The following SHOC1 variants were observed in gnomAD, a reference collection of about 807,000 sequenced individuals.
SHOC1 encodes the protein shortage in chiasmata 1.
In SHOC1, 136 loss-of-function variants were observed where a neutral mutation model predicts 179.2. That is an observed-to-expected ratio of 0.76 (90% CI 0.66 to 0.87). The LOEUF is 0.87. Ranked by LOEUF, SHOC1 falls within the 40% of genes least tolerant of loss-of-function variation. The pLI, the probability that SHOC1 is intolerant of heterozygous loss-of-function variation, is 0.00. For missense variants in SHOC1, 1,538 were observed against 1,700.8 expected (o/e 0.90, Z 1.68); for synonymous variants, 489 against 586.6 (o/e 0.83, Z 2.41).
rs1196500037 is a variant in SHOC1 at position 111,746,185 on chromosome 9, C to G, written c.1079+49G>C. 2.4e-6 allele frequency: 3 copies of G among 1,246,628 alleles called. No homozygotes were observed. The African/African-American group carries it at 4.5e-5, about 19-fold the overall frequency. The allele number at this position is 1,246,628 out of a possible 1,614,324, so 77.2% of individuals were successfully genotyped here. A position where few individuals can be genotyped will look rare whatever the true frequency, so the allele number is the denominator to read the frequency against. ...TTATATGGAGAGATTTAAATAAAGA[C>G]TGCTTGTTCTGAATTGCAACATGGG... is the stretch of plus-strand genomic sequence containing the variant. On this transcript the variant is annotated intron_variant, in intron 10 of 27. Transcript: ENST00000682961.
chr9:111,689,689 T>G (rs1246261679), intron 27 of SHOC1, among the ~76,000 whole-genome samples: 2 of 152,082 alleles, frequency 1.3e-5, no homozygotes, highest in Non-Finnish European at 2.9e-5. Context: ...AATAAAATTA[T>G]TTCATGGAAA....
chr9:111,762,459 C>T (rs1443283193), intron 5 of SHOC1, among the ~76,000 whole-genome samples: 1 of 151,816 alleles, frequency 6.6e-6, no homozygotes, highest in East Asian at 1.9e-4. Flanking sequence ...AAAAGACACG[C>T]TTTTGTGGAA....
At chr9:111,764,302 C>T (rs1367903531) in intron 5 of SHOC1, among the ~76,000 whole-genome samples, 1 of 152,132 alleles carries the variant, frequency 6.6e-6, no homozygotes, top group Non-Finnish European at 1.5e-5. Context: ...TGCTGTTAAT[C>T]TCTTACTGTG....
chr9:111,785,251 C>A (rs756659312), intron 3 of SHOC1, among the ~76,000 whole-genome samples: 1 of 151,574 alleles, frequency 6.6e-6, no homozygotes, highest in Non-Finnish European at 1.5e-5. Flanking sequence ...TAGGAAATAG[C>A]ACTCCCTACT....
intron 15 of SHOC1, among the ~76,000 whole-genome samples, chr9:111,718,545 T>C (rs1020272067): frequency 2.6e-5 from 4 of 152,192 alleles, no homozygotes; most frequent in Non-Finnish European, 4.4e-5. Flanking sequence ...AGTGAGTAAA[T>C]GGTAGAGCTG....
At chr9:111,701,007 C>G (rs1831946832) in intron 23 of SHOC1, among the ~76,000 whole-genome samples, 1 of 152,202 alleles carries the variant, frequency 6.6e-6, no homozygotes, top group African/African-American at 2.4e-5. Flanking sequence ...CTAGTTTCCT[C>G]TGGACTTTGC....
intron 1 of SHOC1, among the ~76,000 whole-genome samples, chr9:111,792,743 G>A (rs1263697198): frequency 6.6e-6 from 1 of 152,220 alleles, no homozygotes; most frequent in Non-Finnish European, 1.5e-5. Flanking sequence ...GTTAGATTCT[G>A]TGGTGTGGAG....
Position 111,738,479 on chromosome 9 carries a change from A to G in SHOC1, c.1218T>C (p.Asp406=). ...QEPHSQYSVT[D]LKKIFSVKEE... is the part of the protein sequence containing the mutation. Reference sequence around the variant, plus strand: ...CTTTAACAGAAAATATCTTTTTCAAATCTGTAACTGAATATTGGCTGTGGG... The same window carrying G: ...CTTTAACAGAAAATATCTTTTTCAAGTCTGTAACTGAATATTGGCTGTGGG... The change falls in exon 12 of 28, where the codon GAT becomes GAC. Residue 406 remains aspartate, a synonymous_variant. Transcript: ENST00000682961. 1 of 1,600,636 alleles carries G rather than the reference A, an allele frequency of 6.2e-7. No homozygotes were observed. Among genetic ancestry groups the G allele is most frequent in the Non-Finnish European group, 8.5e-7 (1 of 1,176,320 alleles).
intron 15 of SHOC1, among the ~76,000 whole-genome samples, chr9:111,719,571 A>G (rs887315514): frequency 6.6e-6 from 1 of 152,208 alleles, no homozygotes; most frequent in African/African-American, 2.4e-5. Context: ...TTTATTTTAT[A>G]TAAGTCTTGT....
chr9:111,772,214 CA>C (rs1447189515), intron 5 of SHOC1, among the ~76,000 whole-genome samples: 1 of 152,142 alleles, frequency 6.6e-6, no homozygotes, highest in Non-Finnish European at 1.5e-5. Context: ...TTCAGCTCAG[CA>C]AACGTATTTC....
At chr9:111,747,452 A>G (rs1227797224) in intron 9 of SHOC1, among the ~76,000 whole-genome samples, 1 of 152,220 alleles carries the variant, frequency 6.6e-6, no homozygotes, top group Non-Finnish European at 1.5e-5. Flanking sequence ...CAAGATTGCT[A>G]ATATTGAGAT....
At chr9:111,734,476 T>C (rs945220642) in intron 12 of SHOC1, among the ~76,000 whole-genome samples, 37 of 152,242 alleles carry the variant, frequency 2.4e-4, no homozygotes, top group African/African-American at 7.5e-4. Flanking sequence ...GGTGTGTATT[T>C]GCTTGATATT....
chr9:111,717,198 T>C (rs1248910527), intron 16 of SHOC1, among the ~76,000 whole-genome samples: 2 of 152,158 alleles, frequency 1.3e-5, no homozygotes, highest in Non-Finnish European at 2.9e-5. Context: ...TAAGAGAAAA[T>C]GTCTGGGTCT....
intron 23 of SHOC1, 75 bp downstream of exon 23, chr9:111,702,030 C>T: frequency 9.4e-7 from 1 of 1,064,714 alleles, no homozygotes; most frequent in Non-Finnish European, 1.3e-6. Context: ...AATTGCATAG[C>T]CATTTCCATT....
chr9:111,776,549 A>G (rs930100116), intron 4 of SHOC1, among the ~76,000 whole-genome samples: 6 of 152,168 alleles, frequency 3.9e-5, no homozygotes, highest in Admixed American at 1.3e-4. Flanking sequence ...TCTGTTCCGT[A>G]ACCTGGGAAG....
chr9:111,697,753 A>G (rs1384809236), intron 24 of SHOC1, among the ~76,000 whole-genome samples: 1 of 152,140 alleles, frequency 6.6e-6, no homozygotes, highest in Admixed American at 6.6e-5. Flanking sequence ...TCTAGATCCT[A>G]GAGGAATCGC....
At chr9:111,738,586 A>G (rs1833909507) in intron 11 of SHOC1, 64 bp from the exon 12 acceptor site, 8 of 1,387,124 alleles carry the variant, frequency 5.8e-6, no homozygotes, top group Non-Finnish European at 7.6e-6. Context: ...ACAAAACACA[A>G]TAAACAGAAC....
intron 15 of SHOC1, among the ~76,000 whole-genome samples, chr9:111,719,641 C>T (rs1486192682): frequency 1.3e-5 from 2 of 152,226 alleles, no homozygotes; most frequent in African/African-American, 2.4e-5. Flanking sequence ...ATAATCATTA[C>T]CAGAATGCCA....
Position 111,778,869 on chromosome 9 carries a change from C to G in SHOC1, c.257+2061G>C, listed in dbSNP as rs551129004. Among the ~76,000 whole-genome samples, 6 of 146,382 alleles carry G rather than the reference C, an allele frequency of 4.1e-5. No homozygotes were observed. In the East Asian group the frequency reaches 1.2e-3, roughly 30 times the overall value. On this transcript the variant is annotated intron_variant, in intron 4 of 27. Transcript: ENST00000682961. ...ATTCCAGCACTTTGGGAGGCCAAGG[C>G]GGGTGGATCACTTGAGGCCAGGAGT...
Sources: gnomAD v4.1 joint callset for allele counts (sites outside exome capture counted in the v4.1 genomes callset) on GRCh38, gnomAD v4.1.1 for gene constraint, MANE v1.5 for transcripts, NCBI Gene and HGNC (gene_info 2026-07-23, HGNC 2026-07-21) for gene names.